The following CNIH3 variants were observed in gnomAD, a reference collection of about 807,000 sequenced individuals.
CNIH3 encodes protein cornichon homolog 3.
A neutral mutation model predicts 24.1 loss-of-function variants in CNIH3; 14 were observed. The ratio of observed to expected loss-of-function variants is 0.58; its 90% CI spans 0.38 to 0.91. The LOEUF (loss-of-function observed/expected upper bound fraction) is 0.91. Ranked by LOEUF, CNIH3 falls within the 40% of genes least tolerant of loss-of-function variation. The pLI is 0.00. For missense variants in CNIH3, 178 were observed against 196.8 expected, an observed-to-expected ratio of 0.90 and a Z score of 0.57; for synonymous variants, 68 against 73.8, an observed-to-expected ratio of 0.92 and a Z score of 0.40.
intron 1 of CNIH3, among the ~76,000 whole-genome samples, chr1:224,626,533 A>G (rs896042743): frequency 2.6e-5 from 4 of 152,242 alleles, no homozygotes; most frequent in Non-Finnish European, 4.4e-5. Context: ...ATAGACTGTA[A>G]TGGGGCCACC....
At position 224,550,462 on chromosome 1, in the gene CNIH3, C is replaced by A. The variant is rs536316062; in HGVS notation, n.450+3523C>A. 7.9e-5 allele frequency among the ~76,000 whole-genome samples: 12 copies of A among 152,098 alleles called. No homozygotes were observed. The South Asian group carries it at 1.9e-3, about 24-fold the overall frequency. On this transcript the variant is annotated intron_variant and non_coding_transcript_variant, in intron 3 of 5. Transcript: ENST00000471578. ...CATAGCAATGATATTTCATTAATAT[C>A]ACAGTGTGTAAACTGTGTGTAAGCA...
intron 5 of CNIH3, among the ~76,000 whole-genome samples, chr1:224,735,434 T>G (rs1196192654): frequency 2.0e-5 from 3 of 152,124 alleles, no homozygotes; most frequent in African/African-American, 7.2e-5. Flanking sequence ...GGCTCATCTC[T>G]GGGGACTCTC....
chr1:224,657,022 G>A (rs532255723), intron 1 of CNIH3, among the ~76,000 whole-genome samples: 71 of 152,248 alleles, frequency 4.7e-4, no homozygotes, highest in African/African-American at 1.7e-3. Context: ...GATCCATTCA[G>A]TTGATGGGAG....
chr1:224,527,719 A>C (rs1176517434), intron 2 of CNIH3, among the ~76,000 whole-genome samples: 3 of 152,226 alleles, frequency 2.0e-5, no homozygotes, highest in Admixed American at 6.5e-5. Flanking sequence ...AGTTTGTAAA[A>C]AAAAATATAT....
intron 4 of CNIH3, among the ~76,000 whole-genome samples, chr1:224,569,146 G>T (rs1251188938): frequency 6.6e-6 from 1 of 152,206 alleles, no homozygotes; most frequent in Non-Finnish European, 1.5e-5. Flanking sequence ...GGGATTACAG[G>T]CGTGAGCCTC....
chr1:224,474,676 A>G (rs868670419), intron 1 of CNIH3, among the ~76,000 whole-genome samples: 5 of 152,152 alleles, frequency 3.3e-5, no homozygotes, highest in Admixed American at 2.6e-4. Flanking sequence ...GGTTTTCTGA[A>G]AAGATAAAAT....
intron 1 of CNIH3, among the ~76,000 whole-genome samples, chr1:224,634,875 G>A (rs115291541): frequency 0.014 from 2,074 of 152,220 alleles, 50 homozygotes; most frequent in African/African-American, 0.047. Context: ...CTGCATCCCC[G>A]CCAGGAGCTG....
chr1:224,721,354 A>T (rs1194978562), intron 3 of CNIH3, among the ~76,000 whole-genome samples: 2 of 151,712 alleles, frequency 1.3e-5, no homozygotes, highest in Non-Finnish European at 2.9e-5. Context: ...TTGCCTGATC[A>T]CTCCCTATAG....
intron 2 of CNIH3, among the ~76,000 whole-genome samples, chr1:224,528,697 A>G (rs1240083784): frequency 1.3e-5 from 2 of 152,220 alleles, no homozygotes; most frequent in African/African-American, 4.8e-5. Flanking sequence ...TGTATTTTCA[A>G]ATTTTCTATA....
intron 1 of CNIH3, among the ~76,000 whole-genome samples, chr1:224,440,043 C>G (rs1674829171): frequency 6.6e-6 from 1 of 152,154 alleles, no homozygotes; most frequent in Non-Finnish European, 1.5e-5. Flanking sequence ...CCGCCTCGGC[C>G]TCCCAAAGTG....
rs553081211 is a variant in CNIH3 at position 224,698,903 on chromosome 1, A to G, written c.198+14060A>G. 3.9e-5 allele frequency among the ~76,000 whole-genome samples: 6 copies of G among 152,290 alleles called. No individual in the cohort carries two copies. In the East Asian group the frequency reaches 5.8e-4, roughly 15 times the overall value. On this transcript the variant is annotated intron_variant, in intron 3 of 5. Coordinates refer to ENST00000272133, the MANE Select transcript of CNIH3 (RefSeq NM_152495.2). ...GAACAAACTCCATGGTGACTGCTAC[A>G]TGCTTTACATGTGCTACATGCTTTA... is the stretch of plus-strand genomic sequence containing the variant.
At chr1:224,597,038 G>A (rs1176543463) in intron 3 of CNIH3, among the ~76,000 whole-genome samples, 2 of 152,096 alleles carry the variant, frequency 1.3e-5, no homozygotes, top group Non-Finnish European at 2.9e-5. Flanking sequence ...TGTAATCCCA[G>A]CTACTTGGGA....
chr1:224,638,698 G>A (rs1025552964), intron 1 of CNIH3, among the ~76,000 whole-genome samples: 25 of 152,142 alleles, frequency 1.6e-4, no homozygotes, highest in African/African-American at 5.1e-4. Flanking sequence ...GAACATGCAG[G>A]TAGCATTAGG....
At chr1:224,561,638 G>T (rs1311096220) in intron 3 of CNIH3, among the ~76,000 whole-genome samples, 1 of 152,208 alleles carries the variant, frequency 6.6e-6, no homozygotes. Flanking sequence ...TAGAACTGCA[G>T]TGTGGTCTGA....
chr1:224,444,340 C>T (rs749665489), intron 1 of CNIH3, among the ~76,000 whole-genome samples: 3 of 152,076 alleles, frequency 2.0e-5, no homozygotes, highest in Non-Finnish European at 2.9e-5. Flanking sequence ...AAAAAAGGCC[C>T]ACATGTGGCA....
intron 1 of CNIH3, among the ~76,000 whole-genome samples, chr1:224,450,200 T>C (rs770974439): frequency 1.3e-5 from 2 of 152,158 alleles, no homozygotes; most frequent in Admixed American, 6.5e-5. Flanking sequence ...TATATTCTTA[T>C]AAGCTTACAC....
intron 2 of CNIH3, among the ~76,000 whole-genome samples, chr1:224,530,098 C>G (rs1237446456): frequency 6.6e-6 from 1 of 152,216 alleles, no homozygotes. Flanking sequence ...GGCTGCACTT[C>G]TGGGAAGTCT....
chr1:224,538,645 TTCTC>T (rs375750092), downstream of CNIH3, among the ~76,000 whole-genome samples: 513 of 149,010 alleles, frequency 3.4e-3, 3 homozygotes, highest in African/African-American at 0.011. Context: ...CTCCTCCTCC[TTCTC>T]TCTCTCTCTC....
At chr1:224,734,156 T>A (rs1213745640) in intron 4 of CNIH3, among the ~76,000 whole-genome samples, 1 of 152,164 alleles carries the variant, frequency 6.6e-6, no homozygotes, top group East Asian at 1.9e-4. Flanking sequence ...TATTCAGGAT[T>A]TTCAATAAGG....
Sources: allele counts gnomAD v4.1 joint callset (sites outside exome capture counted in the v4.1 genomes callset), GRCh38; gene constraint gnomAD v4.1.1; transcripts MANE v1.5; gene names NCBI Gene and HGNC (gene_info 2026-07-23, HGNC 2026-07-21).